The following FAT3 variants were observed in gnomAD, a reference collection of about 807,000 sequenced individuals.
FAT3 encodes the protein FAT atypical cadherin 3, also known as protocadherin Fat 3.
A neutral mutation model predicts 310.2 loss-of-function variants in FAT3; 95 were observed. That is an observed-to-expected ratio of 0.31 (90% CI 0.26 to 0.36). The LOEUF is 0.36. Among genes scored for constraint, FAT3 ranks in the 10% least tolerant of loss-of-function variants. FAT3 has a pLI of 1.00. For synonymous variants in FAT3, 2,314 were observed against 2,192.9 expected, an observed-to-expected ratio of 1.06 and a Z score of -1.54; for missense variants, 5,408 against 5,715.6, an observed-to-expected ratio of 0.95 and a Z score of 1.74.
chr11:92,437,567 T>C (rs1950966967), intron 2 of FAT3, among the ~76,000 whole-genome samples: 1 of 152,174 alleles, frequency 6.6e-6, no homozygotes, highest in Non-Finnish European at 1.5e-5. Context: ...AACATTGTTA[T>C]GATGGATTGT....
rs180901260 is a variant in FAT3, at chr11:92,516,145, A to G, written c.3293-8489A>G. On this transcript the variant is annotated intron_variant, in intron 2 of 27. Transcript: ENST00000525166. ...CTTCCCTAACTCATGTTATGAGGCC[A>G]GCATAATCCTGATACCAAAACCTGG... Among the ~76,000 whole-genome samples, 436 of 152,282 alleles carry G rather than the reference A, an allele frequency of 2.9e-3. 1 individual carries two copies. The highest frequency in any genetic ancestry group is 0.01 in the African/African-American group (422 of 41,566).
chr11:92,374,196 A>G (rs1949276212), intron 2 of FAT3, among the ~76,000 whole-genome samples: 2 of 152,170 alleles, frequency 1.3e-5, no homozygotes, highest in South Asian at 4.1e-4. Context: ...CACCCTCACT[A>G]ACATACCCAG....
At chr11:92,648,654 C>T (rs1276993110) in intron 3 of FAT3, among the ~76,000 whole-genome samples, 2 of 152,184 alleles carry the variant, frequency 1.3e-5, no homozygotes, top group Non-Finnish European at 2.9e-5. Context: ...AGCCCCACAG[C>T]TGTTGACACT....
At chr11:92,402,723 C>A (rs1301769180) in intron 2 of FAT3, among the ~76,000 whole-genome samples, 3 of 147,918 alleles carry the variant, frequency 2.0e-5, no homozygotes, top group East Asian at 3.9e-4. Context: ...CAGAGTGAGA[C>A]CCCCTCTCAA....
intron 2 of FAT3, among the ~76,000 whole-genome samples, chr11:92,491,613 T>C (rs186784261): frequency 5.3e-5 from 8 of 152,234 alleles, no homozygotes; most frequent in African/African-American, 1.9e-4. Context: ...CTGGGCTCTT[T>C]GGCATTGCTG....
chr11:92,732,285 T>C (rs1032284888), intron 4 of FAT3, among the ~76,000 whole-genome samples: 2 of 152,140 alleles, frequency 1.3e-5, no homozygotes, highest in Non-Finnish European at 2.9e-5. Context: ...CAAAATAAAA[T>C]TTGAGACATA....
chr11:92,686,005 G>A (rs1033891077), intron 3 of FAT3, among the ~76,000 whole-genome samples: 1 of 152,124 alleles, frequency 6.6e-6, no homozygotes, highest in African/African-American at 2.4e-5. Flanking sequence ...TAGTGATGAA[G>A]AGATTATTTG....
rs557298563 is a variant in FAT3, at chr11:92,778,139, G to A, written c.4335+3959G>A. On this transcript the variant is annotated intron_variant, in intron 7 of 27. Transcript: ENST00000525166. The stretch of plus-strand genomic sequence containing the variant: ...GCACATGAGGTAGAATTTGTCAAGG[G>A]CTCTGTGGCCACACCAGGCCAAAGG... Among the ~76,000 whole-genome samples the A allele has an allele frequency of 2.8e-4, 43 of 152,222 alleles. 1 individual carries two copies. The highest frequency in any genetic ancestry group is 1.0e-3 in the African/African-American group (42 of 41,546).
rs1373900878 is a variant in FAT3 at position 92,880,897 on chromosome 11, A to G, written c.12281+13A>G. 2 of 1,611,966 alleles carry G rather than the reference A, an allele frequency of 1.2e-6. No individual in the cohort carries two copies. The highest frequency in any genetic ancestry group is 1.3e-5 in the African/African-American group (1 of 74,884). On this transcript the variant is annotated intron_variant, in intron 23 of 27. Coordinates refer to ENST00000525166, the MANE Select transcript of FAT3 (RefSeq NM_001367949.2). ...TCACTGGAGTCACGTAAGTGAGATT[A>G]CATAAGTGTCTTTCTCTACACTGTT...
intron 1 of FAT3, among the ~76,000 whole-genome samples, chr11:92,315,506 T>TAGAGAGAG (rs1947426429): frequency 5.8e-5 from 5 of 86,606 alleles, no homozygotes; most frequent in East Asian, 3.0e-4. Context: ...TATATATATA[T>TAGAGAGAG]ATATATAGAG....
intron 2 of FAT3, among the ~76,000 whole-genome samples, chr11:92,442,111 A>ATATATATTTTTTTTTTTTTTT (rs1453396603): frequency 2.2e-5 from 1 of 45,220 alleles, no homozygotes; most frequent in Non-Finnish European, 3.1e-5. Context: ...ATATATATAT[A>ATATATATTTTTTTTTTTTTTT]TTTTTTTTTT....
At chr11:92,867,390 G>A (rs1053996012) in intron 22 of FAT3, among the ~76,000 whole-genome samples, 181 bp downstream of exon 22, 1 of 152,208 alleles carries the variant, frequency 6.6e-6, no homozygotes, top group Non-Finnish European at 1.5e-5. Context: ...AATTACAGGA[G>A]TGTCCAGTTT....
Position 92,628,583 on chromosome 11 carries a change from G to A in FAT3, c.3608-68801G>A, listed in dbSNP as rs368221002. 3.3e-5 allele frequency among the ~76,000 whole-genome samples: 5 copies of A among 152,318 alleles called. No individual in the cohort carries two copies. In the South Asian group the frequency reaches 1.0e-3, roughly 32 times the overall value. On this transcript the variant is annotated intron_variant, in intron 3 of 27. Transcript: ENST00000525166. ...TGGTCTTTAAATTGCAATTGACAGA[G>A]TGCTTAGTGAAATGCTATATTTAGG...
intron 3 of FAT3, among the ~76,000 whole-genome samples, chr11:92,533,655 C>T (rs1954153483): frequency 1.3e-5 from 2 of 152,130 alleles, no homozygotes; most frequent in East Asian, 1.9e-4. Flanking sequence ...AGAAATGATG[C>T]TCTTGACCTG....
At position 92,352,079 on chromosome 11, in the gene FAT3, C is replaced by G. The variant is rs1948583149; in HGVS notation, c.-17-17C>G. 1 of 1,249,272 alleles carries G rather than the reference C, an allele frequency of 8.0e-7. No individual in the cohort carries two copies. The allele number at this position is 1,249,272 out of a possible 1,614,324, so 77.4% of individuals were successfully genotyped here. On this transcript the variant is annotated splice_polypyrimidine_tract_variant and intron_variant, in intron 1 of 27. Transcript: ENST00000525166. The stretch of plus-strand genomic sequence containing the variant: ...GATGGTTAATTTATCTTTTCTCTCT[C>G]TCTTTCTTCCCTCCAGGATGGAAGT...
intron 1 of FAT3, among the ~76,000 whole-genome samples, chr11:92,282,659 A>C (rs2513467): frequency 4.8e-4 from 10 of 20,946 alleles, no homozygotes; most frequent in Middle Eastern, 0.02. Context: ...TCAAAAAATA[A>C]AAAAAAAAAA....
chr11:92,379,233 A>G lies in FAT3; in HGVS notation c.3292+23829A>G, dbSNP rs1040128315. Among the ~76,000 whole-genome samples, 9 of 152,212 alleles carry G rather than the reference A, an allele frequency of 5.9e-5. No individual in the cohort carries two copies. The East Asian group carries it at 1.7e-3, about 29-fold the overall frequency. On this transcript the variant is annotated intron_variant, in intron 2 of 27. Transcript: ENST00000525166. ...TTATAATAAGTGAGTTATTTTACAT[A>G]TAGCACAAAGCACATTGCCTAGATT...
At chr11:92,836,755 G>C in intron 16 of FAT3, 52 bp downstream of exon 16, 1 of 1,584,672 alleles carries the variant, frequency 6.3e-7, no homozygotes, top group South Asian at 1.2e-5. Context: ...CACTTTCCTA[G>C]AATCAGGGGC....
At chr11:92,480,138 G>A (rs533065181) in intron 2 of FAT3, among the ~76,000 whole-genome samples, 24 of 151,964 alleles carry the variant, frequency 1.6e-4, no homozygotes, top group African/African-American at 5.3e-4. Flanking sequence ...GGTGGCGGGC[G>A]CCTGTAGTCC....
Sources: gnomAD v4.1 joint callset for allele counts (sites outside exome capture counted in the v4.1 genomes callset) on GRCh38, gnomAD v4.1.1 for gene constraint, MANE v1.5 for transcripts, NCBI Gene and HGNC (gene_info 2026-07-23, HGNC 2026-07-21) for gene names.